Variants in GRB2 observed in about 807,000 individuals in gnomAD.
GRB2 encodes growth factor receptor-bound protein 2.
In GRB2, 2 loss-of-function variants were observed where a neutral mutation model predicts 27.4. The ratio of observed to expected loss-of-function variants is 0.07; its 90% CI spans 0.03 to 0.23. The LOEUF (loss-of-function observed/expected upper bound fraction) is 0.23, where lower values mean the gene tolerates loss of function less well. Among genes scored for constraint, GRB2 ranks in the 10% least tolerant of loss-of-function variants. The pLI, the probability that GRB2 is intolerant of heterozygous loss-of-function variation, is 1.00. For missense variants in GRB2, 102 were observed against 282.4 expected (o/e 0.36, Z 4.58); for synonymous variants, 94 against 99.6 (o/e 0.94, Z 0.33).
At chr17:75,344,146 GGTATCAGGA>G (rs1432005957) in intron 2 of GRB2, among the ~76,000 whole-genome samples, 4 of 152,046 alleles carry the variant, frequency 2.6e-5, no homozygotes, top group Non-Finnish European at 5.9e-5. Context: ...CAGGTTAGGG[GGTATCAGGA>G]AAACATCCTA....
rs1205624436 is a variant in GRB2, at chr17:75,320,839, G to C, written c.469-286C>G. Among the ~76,000 whole-genome samples the C allele has an allele frequency of 6.6e-6, 1 of 152,150 alleles. No individual in the cohort carries two copies. Among genetic ancestry groups the C allele is most frequent in the East Asian group, 1.9e-4 (1 of 5,196 alleles). On this transcript the variant is annotated intron_variant, in intron 5 of 5. Coordinates refer to ENST00000316804, the MANE Select transcript of GRB2 (RefSeq NM_002086.5). The surrounding 1 kb of genome is among the most constrained non-coding windows in gnomAD (Gnocchi z 4.3). The stretch of plus-strand genomic sequence containing the variant: ...ATCAAGTAGAGGGCAGGCAGTGCTT[G>C]GAGGAGAAAGTTCTTCAGAAACAGC...
intron 1 of GRB2, chr17:75,405,271 C>T (rs1188803033): frequency 6.6e-6 from 1 of 152,522 alleles, no homozygotes; most frequent in Non-Finnish European, 1.5e-5. Context: ...CCGGACTGCC[C>T]AGAGCCAAGA....
intron 1 of GRB2, among the ~76,000 whole-genome samples, chr17:75,400,411 C>A (rs1255423236): frequency 6.6e-6 from 1 of 151,792 alleles, no homozygotes; most frequent in Non-Finnish European, 1.5e-5. Flanking sequence ...TGACTTCAGG[C>A]AATCCACCAG....
chr17:75,387,790 T>C (rs1480597596), intron 2 of GRB2: 1 of 151,258 alleles, frequency 6.6e-6, no homozygotes, highest in Non-Finnish European at 1.5e-5. Context: ...AGAGTGAGAC[T>C]TCGCCTAAAA....
chr17:75,384,648 C>A (rs954868353), intron 2 of GRB2, among the ~76,000 whole-genome samples: 8 of 152,044 alleles, frequency 5.3e-5, no homozygotes, highest in Non-Finnish European at 8.8e-5. Flanking sequence ...CCAGCCTGGG[C>A]AACAGAGACT....
At chr17:75,393,174 G>A (rs1295064755) in intron 2 of GRB2, among the ~76,000 whole-genome samples, 1 of 152,134 alleles carries the variant, frequency 6.6e-6, no homozygotes, top group Non-Finnish European at 1.5e-5. Flanking sequence ...CTAACTGAAT[G>A]CTTTTACATA....
At chr17:75,336,840 T>C (rs1007981406) in intron 2 of GRB2, among the ~76,000 whole-genome samples, 8 of 151,982 alleles carry the variant, frequency 5.3e-5, no homozygotes, top group Non-Finnish European at 4.4e-5. Context: ...CGGGTTCAAG[T>C]GATTCAAGTG....
chr17:75,360,680 C>T (rs2078774268), intron 2 of GRB2, among the ~76,000 whole-genome samples: 1 of 152,242 alleles, frequency 6.6e-6, no homozygotes, highest in Non-Finnish European at 1.5e-5. Context: ...ATGGGCCCAG[C>T]TGCTCCTGCT....
intron 1 of GRB2, among the ~76,000 whole-genome samples, chr17:75,403,143 T>C (rs1385213907): frequency 1.4e-5 from 1 of 70,822 alleles, no homozygotes; most frequent in African/African-American, 2.8e-5. Context: ...AAAGGCAACT[T>C]TGACCAAAAA....
At chr17:75,321,519 A>C (rs772992575) in intron 5 of GRB2, 140 bp downstream of exon 5, 4 of 708,288 alleles carry the variant, frequency 5.6e-6, no homozygotes, top group Non-Finnish European at 9.6e-6. Flanking sequence ...TAACATTTTC[A>C]GTAAGGAGCA....
chr17:75,371,275 G>A (rs919094639), intron 2 of GRB2: 1 of 151,526 alleles, frequency 6.6e-6, no homozygotes. Context: ...CAAGGTGCTG[G>A]CAAGGAAAAT....
At chr17:75,387,289 T>G (rs1019029957) in intron 2 of GRB2, among the ~76,000 whole-genome samples, 1 of 151,194 alleles carries the variant, frequency 6.6e-6, no homozygotes, top group Non-Finnish European at 1.5e-5. Flanking sequence ...GAAACTCACC[T>G]CTACTAAAAG....
intron 2 of GRB2, among the ~76,000 whole-genome samples, chr17:75,350,101 ATGCCTGCAG>A (rs1200911474): frequency 2.6e-5 from 4 of 152,182 alleles, no homozygotes; most frequent in South Asian, 4.1e-4. Context: ...ACAGTGGCAT[ATGCCTGCAG>A]TCCCAGCTAC....
chr17:75,339,233 G>C (rs1324806318), intron 2 of GRB2: 6 of 689,340 alleles, frequency 8.7e-6, no homozygotes, highest in Non-Finnish European at 1.5e-5. Flanking sequence ...TTGCTCTGTT[G>C]CCCAGGCTGG....
At chr17:75,404,434 G>C (rs1598261231) in intron 1 of GRB2, among the ~76,000 whole-genome samples, 1 of 150,288 alleles carries the variant, frequency 6.7e-6, no homozygotes, top group East Asian at 2.0e-4. Context: ...CGAGGAAAAA[G>C]ACGGAATCTT....
At chr17:75,332,139 G>A (rs963800959) in intron 3 of GRB2, among the ~76,000 whole-genome samples, 3 of 152,150 alleles carry the variant, frequency 2.0e-5, no homozygotes, top group African/African-American at 4.8e-5. Flanking sequence ...ACTATGTTGC[G>A]TTATTAATAA....
chr17:75,339,623 CTTTT>C (rs71159491), intron 2 of GRB2, among the ~76,000 whole-genome samples: 2 of 130,024 alleles, frequency 1.5e-5, no homozygotes, highest in African/African-American at 2.7e-5. Context: ...TTCTTTCTTT[CTTTT>C]TTTTTTTTTT....
intron 2 of GRB2, among the ~76,000 whole-genome samples, chr17:75,366,285 G>A (rs1567868501): frequency 6.6e-6 from 1 of 150,676 alleles, no homozygotes; most frequent in African/African-American, 2.5e-5. Context: ...GACTGTGTAG[G>A]CTAGTATAAC....
chr17:75,362,816 G>GC (rs1390428659), intron 2 of GRB2, among the ~76,000 whole-genome samples: 2 of 152,102 alleles, frequency 1.3e-5, no homozygotes, highest in Non-Finnish European at 2.9e-5. Flanking sequence ...GGGCAGAACA[G>GC]CCCCCCACCT....
Sources: allele counts gnomAD v4.1 joint callset (sites outside exome capture counted in the v4.1 genomes callset), GRCh38; gene constraint gnomAD v4.1.1; non-coding constraint Gnocchi (gnomAD v3.1); transcripts MANE v1.5; gene names NCBI Gene and HGNC (gene_info 2026-07-23, HGNC 2026-07-21).